KDM4C: variants seen among roughly 807,000 people sequenced by gnomAD.
The protein encoded by KDM4C is lysine-specific demethylase 4C.
In KDM4C, 81 loss-of-function variants were observed where a neutral mutation model predicts 129.3. That is an observed-to-expected ratio of 0.63 (90% CI 0.52 to 0.75). The LOEUF (loss-of-function observed/expected upper bound fraction) is 0.75, where lower values mean the gene tolerates loss of function less well. Ranked by LOEUF, KDM4C falls within the 30% of genes least tolerant of loss-of-function variation. The probability of loss-of-function intolerance (pLI) is 0.00; values close to 1 mark genes in which losing one functional copy is unlikely to be tolerated. For synonymous variants in KDM4C, 573 were observed against 456.1 expected, an observed-to-expected ratio of 1.26 and a Z score of -3.26; for missense variants, 1,457 against 1,304.0, an observed-to-expected ratio of 1.12 and a Z score of -1.81.
intron 2 of KDM4C, among the ~76,000 whole-genome samples, chr9:6,798,342 G>C (rs1342154584): frequency 6.6e-6 from 1 of 151,988 alleles, no homozygotes; most frequent in Admixed American, 6.6e-5. Context: ...GAGGGAAGGA[G>C]GGAAGGTCAG....
chr9:6,738,788 A>G lies in KDM4C; in HGVS notation c.49+17791A>G, dbSNP rs183553318. 9.5e-3 allele frequency among the ~76,000 whole-genome samples: 1,430 copies of G among 151,292 alleles called. 22 individuals carry two copies. Among genetic ancestry groups the G allele is most frequent in the African/African-American group, 0.033 (1,361 of 41,242 alleles). On this transcript the variant is annotated intron_variant, in intron 1 of 17. Coordinates refer to the KDM4C transcript ENST00000536108. ...TTTTCATTTTTTTTTTTTGAGAGAC[A>G]GGGTTTCACCGTGATGGCCAGGCTG...
rs972899521 is a variant in KDM4C at position 6,758,878 on chromosome 9, G to GCC, written c.-18+675_-18+676insCC. Among the ~76,000 whole-genome samples, 4 of 152,256 alleles carry GCC rather than the reference G, an allele frequency of 2.6e-5. No homozygotes were observed. The highest frequency in any genetic ancestry group is 4.8e-5 in the African/African-American group (2 of 41,468). The stretch of plus-strand genomic sequence containing the variant: ...CGTGGCGTGGAGTGGGGACGTGGAG[G>GCC]AGGGAGCCAGACAGGCCGGGGCTGT... On this transcript the variant is annotated intron_variant, in intron 1 of 21. Transcript: ENST00000381309. The surrounding 1 kb of genome is among the most constrained non-coding windows in gnomAD (Gnocchi z 4.6).
chr9:7,174,373 C>T (rs533883724), intron 21 of KDM4C, among the ~76,000 whole-genome samples, 180 bp from the exon 22 acceptor site: 1 of 152,148 alleles, frequency 6.6e-6, no homozygotes, highest in Non-Finnish European at 1.5e-5. Context: ...CTAAATGGAG[C>T]CCCCCACTTT....
chr9:6,839,424 G>A (rs528847139), intron 4 of KDM4C, among the ~76,000 whole-genome samples: 34 of 138,106 alleles, frequency 2.5e-4, no homozygotes, highest in African/African-American at 9.0e-4. Context: ...TTTTCTGGTA[G>A]AGATAGGGTC....
intron 1 of KDM4C, among the ~76,000 whole-genome samples, chr9:6,747,064 A>G (rs1353349695): frequency 6.7e-6 from 1 of 150,256 alleles, no homozygotes; most frequent in Non-Finnish European, 1.5e-5. Flanking sequence ...GTGGTGGTGC[A>G]CACTTCTGGT....
intron 15 of KDM4C, among the ~76,000 whole-genome samples, chr9:7,042,485 G>A (rs10976004): frequency 0.091 from 13,858 of 152,078 alleles, 788 homozygotes; most frequent in East Asian, 0.18. Flanking sequence ...GAAACAAATA[G>A]GAACACAAAT....
At chr9:6,865,975 G>T (rs908031079) in intron 5 of KDM4C, among the ~76,000 whole-genome samples, 11 of 151,988 alleles carry the variant, frequency 7.2e-5, no homozygotes, top group Non-Finnish European at 1.3e-4. Context: ...GGATGGTCTC[G>T]ATCTCCTGAC....
At chr9:6,842,547 C>T (rs1220749088) in intron 4 of KDM4C, among the ~76,000 whole-genome samples, 2 of 151,846 alleles carry the variant, frequency 1.3e-5, no homozygotes, top group Non-Finnish European at 2.9e-5. Context: ...CCATGTTGAC[C>T]AGGGTAGTCT....
At chr9:6,725,744 C>G (rs1817103854) in intron 1 of KDM4C, among the ~76,000 whole-genome samples, 2 of 118,220 alleles carry the variant, frequency 1.7e-5, no homozygotes. Flanking sequence ...GAGTCTGGAT[C>G]TGTTGCCCAG....
At chr9:6,765,573 A>G (rs186755657) in intron 1 of KDM4C, among the ~76,000 whole-genome samples, 63 of 152,272 alleles carry the variant, frequency 4.1e-4, no homozygotes, top group African/African-American at 1.2e-3. Context: ...TCTATATAGC[A>G]CACTGTTCCC....
intron 18 of KDM4C, among the ~76,000 whole-genome samples, chr9:7,109,894 G>T (rs1045223142): frequency 6.6e-6 from 1 of 152,122 alleles, no homozygotes; most frequent in African/African-American, 2.4e-5. Context: ...GAGGTAATTG[G>T]ATCATGGTGG....
At position 6,856,584 on chromosome 9, in the gene KDM4C, T is replaced by TATG. The variant is rs1564171899; in HGVS notation, c.629+6884_629+6885insATG. On this transcript the variant is annotated intron_variant, in intron 5 of 21. Coordinates refer to ENST00000381309, the MANE Select transcript of KDM4C (RefSeq NM_015061.6). ...TGTGTGTGTGTGTGTGTGTGTGTAT[T>TATG]TTTTTTTGAGACAGAGTCTCACTCT... is the stretch of plus-strand genomic sequence containing the variant. Among the ~76,000 whole-genome samples the TATG allele has an allele frequency of 4.7e-3, 483 of 103,450 alleles. 1 individual carries two copies. The highest frequency in any genetic ancestry group is 0.017 in the African/African-American group (457 of 27,018). The allele number at this position is 103,450 out of a possible 152,430, so 67.9% of individuals were successfully genotyped here.
At chr9:6,742,033 A>G (rs923035407) in intron 1 of KDM4C, among the ~76,000 whole-genome samples, 2 of 151,406 alleles carry the variant, frequency 1.3e-5, no homozygotes, top group Non-Finnish European at 1.5e-5. Context: ...AGTGCAGTGG[A>G]GTGATCTCGG....
At chr9:6,945,060 T>C (rs1047362629) in intron 8 of KDM4C, among the ~76,000 whole-genome samples, 1 of 152,060 alleles carries the variant, frequency 6.6e-6, no homozygotes, top group African/African-American at 2.4e-5. Flanking sequence ...TTATGTGATC[T>C]CCTTCTCACT....
chr9:7,134,880 ACTCTGT>A (rs1841024741), intron 19 of KDM4C, among the ~76,000 whole-genome samples: 1 of 152,064 alleles, frequency 6.6e-6, no homozygotes, highest in Non-Finnish European at 1.5e-5. Context: ...TGATTCATCA[ACTCTGT>A]AAACCTTGTG....
chr9:6,789,821 C>T (rs1170882916), intron 1 of KDM4C, among the ~76,000 whole-genome samples: 2 of 152,066 alleles, frequency 1.3e-5, no homozygotes, highest in East Asian at 1.9e-4. Flanking sequence ...AGGCCCCCTC[C>T]CTGAGGCAGG....
At chr9:7,040,234 G>C (rs2132460859) in intron 15 of KDM4C, among the ~76,000 whole-genome samples, 1 of 152,020 alleles carries the variant, frequency 6.6e-6, no homozygotes, top group Admixed American at 6.6e-5. Flanking sequence ...ACTCCACAGT[G>C]TTATTATTTT....
At chr9:6,893,411 T>C (rs1046667683) in intron 8 of KDM4C, 179 bp downstream of exon 8, 8 of 431,688 alleles carry the variant, frequency 1.9e-5, no homozygotes, top group Non-Finnish European at 2.8e-5. Flanking sequence ...ATTACCAATT[T>C]TAGCTGAATT....
intron 1 of KDM4C, among the ~76,000 whole-genome samples, chr9:6,725,790 A>T (rs1287001282): frequency 6.8e-6 from 1 of 146,026 alleles, no homozygotes; most frequent in Non-Finnish European, 1.5e-5. Context: ...GCTCACTGCA[A>T]CCTCCACCTC....
Sources: gnomAD v4.1 joint callset for allele counts (sites outside exome capture counted in the v4.1 genomes callset) on GRCh38, gnomAD v4.1.1 for gene constraint, Gnocchi (gnomAD v3.1) non-coding constraint, MANE v1.5 for transcripts, NCBI Gene and HGNC (gene_info 2026-07-23, HGNC 2026-07-21) for gene names.